DMD: variants seen among roughly 807,000 people sequenced by gnomAD.
DMD encodes dystrophin.
DMD carries 63 observed loss-of-function variants against 330.1 expected under a neutral mutation model. The ratio of observed to expected loss-of-function variants is 0.19; its 90% confidence interval spans 0.16 to 0.24. DMD has a LOEUF of 0.24. Among genes scored for constraint, DMD ranks in the 10% least tolerant of loss-of-function variants. DMD has a pLI of 1.00. For synonymous variants in DMD, 1,223 were observed against 959.8 expected, an observed-to-expected ratio of 1.27 and a Z score of -5.07; for missense variants, 3,344 against 2,684.1, an observed-to-expected ratio of 1.25 and a Z score of -5.43.
intron 60 of DMD, among the ~76,000 whole-genome samples, chrX:31,437,740 A>G (rs1480278726): frequency 9.1e-6 from 1 of 109,360 alleles, no homozygotes; most frequent in African/African-American, 3.3e-5. Flanking sequence ...CTATCATTTC[A>G]ACATGTAATC....
intron 63 of DMD, among the ~76,000 whole-genome samples, chrX:31,229,933 A>G (rs777380294): frequency 8.9e-6 from 1 of 112,461 alleles, no homozygotes; most frequent in Admixed American, 9.4e-5. Flanking sequence ...ATGAGACTTC[A>G]GACAAATTGA....
At chrX:32,890,411 C>T (rs1177674955) in intron 2 of DMD, among the ~76,000 whole-genome samples, 2 of 93,780 alleles carry the variant, frequency 2.1e-5, no homozygotes, top group African/African-American at 8.5e-5. Flanking sequence ...AGTCTATTGA[C>T]AGGAGCTGTA....
intron 7 of DMD, among the ~76,000 whole-genome samples, chrX:32,710,521 A>G (rs987052611): frequency 2.7e-5 from 3 of 111,705 alleles, no homozygotes; most frequent in Admixed American, 9.6e-5. Context: ...AGTGATGATG[A>G]CAAAGTTAGT....
chrX:32,464,040 T>A (rs1400215151), intron 24 of DMD, among the ~76,000 whole-genome samples: 2 of 111,646 alleles, frequency 1.8e-5, no homozygotes, highest in Non-Finnish European at 3.8e-5. Flanking sequence ...AGAGCAAGAT[T>A]GTTTTCTTCC....
intron 50 of DMD, among the ~76,000 whole-genome samples, chrX:31,804,596 T>C (rs1806731373): frequency 8.9e-6 from 1 of 112,002 alleles, no homozygotes; most frequent in African/African-American, 3.3e-5. Flanking sequence ...CTCTAACATG[T>C]CTTAAAATGC....
At chrX:31,752,196 T>C (rs1377267158) in intron 51 of DMD, among the ~76,000 whole-genome samples, 1 of 112,177 alleles carries the variant, frequency 8.9e-6, no homozygotes, top group Non-Finnish European at 1.9e-5. Context: ...CCATGTAAGG[T>C]AACATATTCA....
intron 2 of DMD, among the ~76,000 whole-genome samples, chrX:32,858,753 G>C (rs1603449748): frequency 9.0e-6 from 1 of 110,698 alleles, no homozygotes; most frequent in Non-Finnish European, 1.9e-5. Context: ...AGACCTTTCG[G>C]TGCTCAGTTT....
chrX:32,876,930 G>A (rs2083429521), intron 2 of DMD, among the ~76,000 whole-genome samples: 2 of 111,992 alleles, frequency 1.8e-5, no homozygotes, highest in Non-Finnish European at 3.8e-5. Context: ...TAAACTTTAA[G>A]ATAAAAATTA....
intron 1 of DMD, among the ~76,000 whole-genome samples, chrX:33,315,902 G>GT (rs11410931): frequency 0.02 from 2,178 of 106,339 alleles, 71 homozygotes; most frequent in African/African-American, 0.071. Flanking sequence ...CAGAGGACTA[G>GT]TTTTTTTTTT....
intron 44 of DMD, among the ~76,000 whole-genome samples, chrX:32,137,127 G>T (rs566657755): frequency 8.9e-6 from 1 of 111,881 alleles, no homozygotes. Context: ...AATCTATGAG[G>T]CTTATTTAGA....
chrX:31,395,179 C>T (rs758484428), intron 60 of DMD, among the ~76,000 whole-genome samples: 6 of 111,656 alleles, frequency 5.4e-5, no homozygotes, highest in Admixed American at 9.5e-5. Flanking sequence ...CAGACTCTGC[C>T]ACTCAGGAAG....
chrX:32,314,704 G>T (rs1259430122), intron 41 of DMD, among the ~76,000 whole-genome samples: 10 of 110,065 alleles, frequency 9.1e-5, no homozygotes, highest in African/African-American at 3.0e-4. Context: ...AGAAAAAAAA[G>T]ACCCCATCAG....
intron 74 of DMD, among the ~76,000 whole-genome samples, chrX:31,166,179 C>A (rs1019735317): frequency 3.6e-5 from 4 of 111,849 alleles, no homozygotes; most frequent in African/African-American, 9.7e-5. Context: ...TTAATGCATT[C>A]AACAAATATT....
At chrX:31,248,187 C>T (rs1341434874) in intron 63 of DMD, among the ~76,000 whole-genome samples, 1 of 112,304 alleles carries the variant, frequency 8.9e-6, no homozygotes, top group African/African-American at 3.2e-5. Context: ...TGCACACTTA[C>T]TAGACTACAT....
intron 61 of DMD, among the ~76,000 whole-genome samples, chrX:31,343,977 ATTT>A (rs199499654): frequency 1.2e-5 from 1 of 83,656 alleles, no homozygotes. Flanking sequence ...AAATATGGTG[ATTT>A]TTTTTTTTTT....
intron 44 of DMD, among the ~76,000 whole-genome samples, chrX:32,024,978 G>A (rs182322106): frequency 9.0e-6 from 1 of 111,459 alleles, no homozygotes; most frequent in African/African-American, 3.3e-5. Flanking sequence ...TGCAACAGGG[G>A]ATCCCAATAC....
intron 2 of DMD, among the ~76,000 whole-genome samples, chrX:33,017,160 A>G (rs2093819051): frequency 9.0e-6 from 1 of 111,676 alleles, no homozygotes; most frequent in Non-Finnish European, 1.9e-5. Context: ...AAAGTGGAAA[A>G]TCAGTTAGAT....
intron 44 of DMD, among the ~76,000 whole-genome samples, chrX:32,015,197 G>A (rs1348781827): frequency 1.8e-5 from 2 of 111,658 alleles, no homozygotes; most frequent in Admixed American, 9.5e-5. Flanking sequence ...ATTCAGATAC[G>A]CAATCAAAGC....
At chrX:32,449,137 T>C (rs2098318102) in intron 26 of DMD, among the ~76,000 whole-genome samples, 1 of 110,721 alleles carries the variant, frequency 9.0e-6, no homozygotes, top group Non-Finnish European at 1.9e-5. Context: ...TAAAAGAAAG[T>C]TTCGTTCGAG....
Sources: gnomAD v4.1 joint callset for allele counts (sites outside exome capture counted in the v4.1 genomes callset) on GRCh38, gnomAD v4.1.1 for gene constraint, MANE v1.5 for transcripts, NCBI Gene and HGNC (gene_info 2026-07-23, HGNC 2026-07-21) for gene names.